ANKRD11: variants seen among roughly 807,000 people sequenced by gnomAD.
ANKRD11 encodes ankyrin repeat domain 11, also known as ankyrin repeat domain-containing protein 11.
In ANKRD11, 17 loss-of-function variants were observed where a neutral mutation model predicts 195.7. The ratio of observed to expected loss-of-function variants is 0.09; its 90% CI spans 0.06 to 0.13. The LOEUF (loss-of-function observed/expected upper bound fraction) is 0.13. Ranked by LOEUF, ANKRD11 falls within the 10% of genes least tolerant of loss-of-function variation. ANKRD11 has a pLI of 1.00. For synonymous variants in ANKRD11, 1,953 were observed against 1,528.1 expected (o/e 1.28, Z -6.49); for missense variants, 3,735 against 3,566.1 (o/e 1.05, Z -1.21).
At chr16:89,292,429 C>T (rs909851887) in intron 4 of ANKRD11, among the ~76,000 whole-genome samples, 3 of 152,216 alleles carry the variant, frequency 2.0e-5, no homozygotes, top group African/African-American at 7.2e-5. Flanking sequence ...CCATGGTCCC[C>T]GTGAATGTGC....
chr16:89,301,055 C>T (rs2151851211), intron 4 of ANKRD11: 1 of 562,950 alleles, frequency 1.8e-6, no homozygotes, highest in East Asian at 3.1e-5. Context: ...GGAGGCCAGG[C>T]AATGATGCAC....
chr16:89,446,081 A>T (rs1171929997), intron 1 of ANKRD11, among the ~76,000 whole-genome samples: 1 of 151,606 alleles, frequency 6.6e-6, no homozygotes, highest in Non-Finnish European at 1.5e-5. Context: ...CTTCAGATGG[A>T]TCCACACTTA....
chr16:89,462,711 C>A (rs1186682451), intron 1 of ANKRD11, among the ~76,000 whole-genome samples: 1 of 151,408 alleles, frequency 6.6e-6, no homozygotes, highest in African/African-American at 2.4e-5. Context: ...GGGAGCGCCT[C>A]TGCCCCGCCG....
At chr16:89,416,138 A>T (rs1378301183) in intron 2 of ANKRD11, among the ~76,000 whole-genome samples, 1 of 152,198 alleles carries the variant, frequency 6.6e-6, no homozygotes, top group Non-Finnish European at 1.5e-5. Flanking sequence ...GGCATGGTCA[A>T]AAATGCCAAC....
intron 3 of ANKRD11, among the ~76,000 whole-genome samples, chr16:89,314,279 CA>C (rs201111138): frequency 1.8e-4 from 27 of 150,902 alleles, no homozygotes; most frequent in African/African-American, 5.6e-4. Context: ...ACAACAACAA[CA>C]AAAAACCACA....
intron 4 of ANKRD11, among the ~76,000 whole-genome samples, chr16:89,298,629 G>A (rs937883516): frequency 6.6e-6 from 1 of 152,194 alleles, no homozygotes; most frequent in African/African-American, 2.4e-5. Flanking sequence ...TGAGCCTCGG[G>A]TGGTCTTGTG....
At chr16:89,401,878 C>T (rs1238394713) in intron 2 of ANKRD11, among the ~76,000 whole-genome samples, 3 of 151,660 alleles carry the variant, frequency 2.0e-5, no homozygotes, top group South Asian at 2.1e-4. Flanking sequence ...CCCCAGAACC[C>T]GCCGGGCACA....
In ANKRD11 at chr16:89,280,347, G is replaced by C; in HGVS notation, c.6195C>G (p.Phe2065Leu). ...PYAPPSGLES[F>L]FSNCKSLPEA... ...CCGGAAGTGACTTGCAGTTGCTGAA[G>C]AAGGACTCCAGCCCGGAGGGAGGGG... Residue 2065 changes from phenylalanine to leucine, a missense_variant, in exon 9 of 13, where the codon TTC (phenylalanine) becomes TTG (leucine). Phe to Leu is a conservative substitution (Grantham distance 22, BLOSUM62 0). Transcript: ENST00000301030. The C allele has an allele frequency of 6.3e-7, 1 of 1,576,364 alleles. No homozygotes were observed. Among genetic ancestry groups the C allele is most frequent in the Middle Eastern group, 1.7e-4 (1 of 5,870 alleles).
At chr16:89,278,245 A>T in intron 9 of ANKRD11, 1 of 345,440 alleles carries the variant, frequency 2.9e-6, no homozygotes, top group Non-Finnish European at 5.7e-6. Context: ...GTCACCGAGG[A>T]CAGACGGGTG....
At chr16:89,301,180 C>T (rs145188932) in intron 4 of ANKRD11, 17,573 of 467,874 alleles carry the variant, frequency 0.038, 518 homozygotes, top group East Asian at 0.062. Context: ...AATCACGGCT[C>T]ACTGCAGCCT....
At chr16:89,425,035 A>G (rs1390810956) in intron 1 of ANKRD11, among the ~76,000 whole-genome samples, 4 of 152,050 alleles carry the variant, frequency 2.6e-5, no homozygotes, top group African/African-American at 9.7e-5. Context: ...AAGTGTACAA[A>G]GGGCTCTCAA....
chr16:89,340,238 C>T (rs1373853789), intron 2 of ANKRD11, among the ~76,000 whole-genome samples: 1 of 152,198 alleles, frequency 6.6e-6, no homozygotes, highest in Admixed American at 6.5e-5. Context: ...AACATGTCAT[C>T]TTTCACTTTT....
At chr16:89,340,428 C>G (rs1449804455) in intron 2 of ANKRD11, among the ~76,000 whole-genome samples, 1 of 152,210 alleles carries the variant, frequency 6.6e-6, no homozygotes, top group Non-Finnish European at 1.5e-5. Context: ...GCATGCGCCA[C>G]CATGCCTGGC....
Position 89,305,144 on chromosome 16 carries a change from T to C in ANKRD11, c.226+62A>G, listed in dbSNP as rs546753134. 5.0e-6 allele frequency: 8 copies of C among 1,592,126 alleles called. No individual in the cohort carries two copies. The African/African-American group carries it at 9.4e-5, about 19-fold the overall frequency. On this transcript the variant is annotated intron_variant, in intron 4 of 12. Transcript: ENST00000301030. Reference sequence around the variant, plus strand: ...GGAGGTGCGGGGGCCAGGGACGCCCTGCCTGGGCTGCTCCGGGCTGCCTGT... The same window carrying C: ...GGAGGTGCGGGGGCCAGGGACGCCCCGCCTGGGCTGCTCCGGGCTGCCTGT...
chr16:89,271,440 G>A (rs528601997), intron 11 of ANKRD11: 62 of 218,022 alleles, frequency 2.8e-4, no homozygotes, highest in African/African-American at 1.4e-3. Context: ...TCTCCTGGGC[G>A]AGACTTTCTA....
At position 89,422,188 on chromosome 16, in the gene ANKRD11, C is replaced by T. The variant is rs1407465136; in HGVS notation, c.-144-3820G>A. 2.6e-5 allele frequency: 4 copies of T among 152,198 alleles called. No homozygotes were observed. In the East Asian group the frequency reaches 7.7e-4, roughly 29 times the overall value. 9.4% of individuals were successfully genotyped at this position (152,198 alleles called of 1,614,324 possible). ...TAAGAAGAAAGAGCTCTAGGCCAAA[C>T]CTATAATCCCAGAACTTTAAGAGGC... is the stretch of plus-strand genomic sequence containing the variant. On this transcript the variant is annotated intron_variant, in intron 1 of 12. Coordinates refer to ENST00000301030, the MANE Select transcript of ANKRD11 (RefSeq NM_013275.6).
intron 1 of ANKRD11, among the ~76,000 whole-genome samples, chr16:89,424,891 A>G (rs1301548117): frequency 7.2e-5 from 11 of 152,146 alleles, no homozygotes; most frequent in African/African-American, 2.7e-4. Context: ...TCTCTAACAC[A>G]CACGTACAAG....
At chr16:89,364,141 G>A (rs942507346) in intron 2 of ANKRD11, among the ~76,000 whole-genome samples, 6 of 152,152 alleles carry the variant, frequency 3.9e-5, no homozygotes, top group Non-Finnish European at 5.9e-5. Context: ...TTTCTTTCCA[G>A]CCCTGGAGCC....
chr16:89,355,316 C>A (rs1044959305), intron 2 of ANKRD11, among the ~76,000 whole-genome samples: 1 of 152,156 alleles, frequency 6.6e-6, no homozygotes, highest in African/African-American at 2.4e-5. Context: ...ACGGCTCACA[C>A]AGACCCACAA....
Sources: allele counts gnomAD v4.1 joint callset (sites outside exome capture counted in the v4.1 genomes callset), GRCh38; gene constraint gnomAD v4.1.1; transcripts MANE v1.5; gene names NCBI Gene and HGNC (gene_info 2026-07-23, HGNC 2026-07-21).